The following PDE12 variants were observed in gnomAD, a reference collection of about 807,000 sequenced individuals.
PDE12 encodes phosphodiesterase 12, also known as 2',5'-phosphodiesterase 12.
A neutral mutation model predicts 45.4 loss-of-function variants in PDE12; 26 were observed. The ratio of observed to expected loss-of-function variants is 0.57; its 90% confidence interval spans 0.42 to 0.79. PDE12 has a LOEUF of 0.79. Ranked by LOEUF, PDE12 falls within the 30% of genes least tolerant of loss-of-function variation. The pLI is 0.00. For missense variants in PDE12, 668 were observed against 790.0 expected (o/e 0.85, Z 1.85); for synonymous variants, 283 against 323.9 (o/e 0.87, Z 1.36).
the PDE12 span, among the ~76,000 whole-genome samples, chr3:57,646,094 A>C: frequency 6.6e-6 from 1 of 152,232 alleles, no homozygotes; most frequent in South Asian, 2.1e-4. Flanking sequence ...CACTCAGAAC[A>C]ACAAAGGCAT....
At chr3:57,622,113 T>G in the PDE12 span, among the ~76,000 whole-genome samples, 3 of 151,912 alleles carry the variant, frequency 2.0e-5, no homozygotes, top group Non-Finnish European at 4.4e-5. Flanking sequence ...GAGGTGGAGG[T>G]TGCGGTGAGC....
chr3:57,624,859 A>C, the PDE12 span, among the ~76,000 whole-genome samples: 2 of 152,202 alleles, frequency 1.3e-5, no homozygotes, highest in Non-Finnish European at 2.9e-5. Context: ...TTAAAAAGGT[A>C]GCAAATGAAG....
chr3:57,571,019 A>G (rs1421338805), downstream of PDE12, among the ~76,000 whole-genome samples: 1 of 150,696 alleles, frequency 6.6e-6, no homozygotes, highest in East Asian at 2.0e-4. Context: ...TTTTAAGTAG[A>G]GACAGGGGAA....
the PDE12 span, among the ~76,000 whole-genome samples, chr3:57,636,757 G>C: frequency 6.6e-6 from 1 of 151,742 alleles, no homozygotes; most frequent in Non-Finnish European, 1.5e-5. Context: ...GCCAACATGG[G>C]GAAGCCCTGT....
chr3:57,589,548 T>C, the PDE12 span, among the ~76,000 whole-genome samples: 1 of 150,534 alleles, frequency 6.6e-6, no homozygotes, highest in Non-Finnish European at 1.5e-5. Flanking sequence ...TGAAACCCAG[T>C]CTCTACTAAA....
At chr3:57,584,815 G>T in the PDE12 span, among the ~76,000 whole-genome samples, 1 of 149,810 alleles carries the variant, frequency 6.7e-6, no homozygotes, top group African/African-American at 2.4e-5. Context: ...GATCATCTAA[G>T]ATCTCTTCCA....
At chr3:57,653,057 A>G in the PDE12 span, among the ~76,000 whole-genome samples, 2 of 152,216 alleles carry the variant, frequency 1.3e-5, no homozygotes, top group Non-Finnish European at 2.9e-5. Flanking sequence ...TTTGTAGGAA[A>G]TAGACTCTAA....
At chr3:57,610,326 A>T in the PDE12 span, among the ~76,000 whole-genome samples, 1 of 152,208 alleles carries the variant, frequency 6.6e-6, no homozygotes, top group East Asian at 1.9e-4. Flanking sequence ...AACTGGCACA[A>T]GACGGGGATG....
the PDE12 span, among the ~76,000 whole-genome samples, chr3:57,649,165 A>G: frequency 7.9e-5 from 12 of 152,194 alleles, no homozygotes; most frequent in African/African-American, 2.7e-4. Flanking sequence ...GCAAGAACAA[A>G]ATAAACAATC....
chr3:57,626,820 C>T, the PDE12 span: 3 of 152,274 alleles, frequency 2.0e-5, no homozygotes, highest in Admixed American at 2.0e-4. Context: ...ATTGTTTAAA[C>T]AAAACAGAAA....
chr3:57,558,540 G>C (rs2069690884), intron 1 of PDE12, among the ~76,000 whole-genome samples: 1 of 143,878 alleles, frequency 7.0e-6, no homozygotes, highest in Admixed American at 6.8e-5. Context: ...ACCTAGGCTG[G>C]AGTACGGTGG....
chr3:57,644,510 G>T, the PDE12 span, among the ~76,000 whole-genome samples: 4 of 150,872 alleles, frequency 2.7e-5, no homozygotes, highest in South Asian at 8.4e-4. Flanking sequence ...GTTTTGCCAT[G>T]TTGCCCAGGC....
At chr3:57,640,712 G>C in the PDE12 span, among the ~76,000 whole-genome samples, 2 of 152,126 alleles carry the variant, frequency 1.3e-5, no homozygotes, top group African/African-American at 4.8e-5. Flanking sequence ...AAAATAGTCA[G>C]TAGTCCGCTA....
At chr3:57,576,556 A>T in the PDE12 span, among the ~76,000 whole-genome samples, 3 of 136,784 alleles carry the variant, frequency 2.2e-5, no homozygotes, top group South Asian at 6.7e-4. Context: ...CATTTGACTC[A>T]GGCAAAAATC....
the PDE12 span, chr3:57,645,661 G>A: frequency 8.7e-6 from 14 of 1,603,788 alleles, no homozygotes; most frequent in East Asian, 2.2e-5. Flanking sequence ...TTTTACTTAC[G>A]GAGCTTGGGT....
chr3:57,629,489 A>T, the PDE12 span, among the ~76,000 whole-genome samples: 3 of 147,322 alleles, frequency 2.0e-5, no homozygotes, highest in African/African-American at 7.6e-5. Context: ...TACAGAACAT[A>T]AAAAAAAAAT....
the PDE12 span, among the ~76,000 whole-genome samples, chr3:57,613,131 C>T: frequency 2.0e-5 from 3 of 151,146 alleles, no homozygotes; most frequent in East Asian, 3.9e-4. Context: ...CAGGCGCCTG[C>T]GACCGCGTCT....
At chr3:57,616,176 T>A in the PDE12 span, among the ~76,000 whole-genome samples, 1 of 151,788 alleles carries the variant, frequency 6.6e-6, no homozygotes, top group African/African-American at 2.4e-5. Context: ...TGCAAAAAAT[T>A]AGCCAGGTAT....
At chr3:57,572,204 A>G in the PDE12 span, 3 of 1,609,642 alleles carry the variant, frequency 1.9e-6, no homozygotes, top group Non-Finnish European at 1.7e-6. Context: ...TTAGATATCC[A>G]ATTTCATTTA....
Sources: gnomAD v4.1 joint callset for allele counts (sites outside exome capture counted in the v4.1 genomes callset) on GRCh38, gnomAD v4.1.1 for gene constraint, MANE v1.5 for transcripts, NCBI Gene and HGNC (gene_info 2026-07-23, HGNC 2026-07-21) for gene names.